Variants in HERPUD2 observed in about 807,000 individuals in gnomAD.
HERPUD2 encodes the protein HERPUD family member 2, also known as homocysteine-responsive endoplasmic reticulum-resident ubiquitin-like domain member 2 protein.
A neutral mutation model predicts 49.9 loss-of-function variants in HERPUD2; 13 were observed. The observed-to-expected ratio is 0.26, with a 90% CI of 0.17 to 0.41. The LOEUF is 0.41. HERPUD2 is among the 10% of genes least tolerant of loss of function. HERPUD2 has a pLI of 1.00. For missense variants in HERPUD2, 449 were observed against 492.2 expected, an observed-to-expected ratio of 0.91 and a Z score of 0.83; for synonymous variants, 172 against 171.4, an observed-to-expected ratio of 1.00 and a Z score of -0.03.
intron 5 of HERPUD2, among the ~76,000 whole-genome samples, chr7:35,640,993 G>T (rs941912881): frequency 4.6e-5 from 7 of 151,890 alleles, no homozygotes; most frequent in Non-Finnish European, 8.8e-5. Context: ...TTGGAGGAAG[G>T]ACTTTCCTAA....
At chr7:35,667,777 G>T (rs10085409) in intron 4 of HERPUD2, among the ~76,000 whole-genome samples, 189 bp from the exon 5 acceptor site, 126 of 152,060 alleles carry the variant, frequency 8.3e-4, no homozygotes, top group African/African-American at 2.9e-3. Context: ...TATCAAAACT[G>T]CTTAATTAAA....
chr7:35,672,055 G>A (rs1390191041), intron 3 of HERPUD2, among the ~76,000 whole-genome samples: 2 of 151,946 alleles, frequency 1.3e-5, no homozygotes, highest in African/African-American at 2.4e-5. Flanking sequence ...CATAGAAAGT[G>A]CAACACCAAG....
intron 5 of HERPUD2, among the ~76,000 whole-genome samples, chr7:35,661,755 C>A (rs1785427208): frequency 6.6e-6 from 1 of 152,208 alleles, no homozygotes; most frequent in Non-Finnish European, 1.5e-5. Flanking sequence ...AGTTGCTTAT[C>A]AGCTTAAGGA....
Position 35,648,095 on chromosome 7 carries a change from G to A in HERPUD2, c.495-9623C>T, listed in dbSNP as rs144000494. Among the ~76,000 whole-genome samples the A allele has an allele frequency of 2.6e-5, 4 of 152,078 alleles. No homozygotes were observed. The East Asian group carries it at 7.7e-4, about 29-fold the overall frequency. On this transcript the variant is annotated intron_variant, in intron 5 of 8. Transcript: ENST00000311350. Reference sequence around the variant, plus strand: ...ATATCTGTACAAGTAAAGAGACTCAGGATCTTCAACATTACCGAGAAAGTA... The same window carrying A: ...ATATCTGTACAAGTAAAGAGACTCAAGATCTTCAACATTACCGAGAAAGTA...
At chr7:35,679,336 T>C (rs552158039) in intron 2 of HERPUD2, among the ~76,000 whole-genome samples, 22 of 152,328 alleles carry the variant, frequency 1.4e-4, no homozygotes, top group Admixed American at 5.2e-4. Context: ...CTAACTGAAG[T>C]AGTATGACTA....
intron 6 of HERPUD2, among the ~76,000 whole-genome samples, chr7:35,637,807 G>A (rs113155795): frequency 2.9e-4 from 44 of 152,114 alleles, no homozygotes; most frequent in Non-Finnish European, 6.0e-4. Flanking sequence ...AAAAAGGTAC[G>A]GAAGACAAAA....
intron 2 of HERPUD2, among the ~76,000 whole-genome samples, chr7:35,682,347 GTGTGTGTGTGTA>G (rs1785925422): frequency 6.5e-4 from 19 of 29,126 alleles, no homozygotes; most frequent in Non-Finnish European, 8.8e-4. Flanking sequence ...GTGTGTGTGT[GTGTGTGTGTGTA>G]TATATATATA....
chr7:35,634,213 A>G, intron 8 of HERPUD2, 99 bp downstream of exon 8: 4 of 767,686 alleles, frequency 5.2e-6, no homozygotes, highest in South Asian at 1.8e-5. Flanking sequence ...CCATTTCACA[A>G]ATACTTATGG....
chr7:35,664,086 C>G (rs1785487933), intron 5 of HERPUD2, among the ~76,000 whole-genome samples: 1 of 152,086 alleles, frequency 6.6e-6, no homozygotes, highest in Non-Finnish European at 1.5e-5. Context: ...TAAGGCAGGC[C>G]TGGTTGTGAC....
At chr7:35,637,138 A>AAAAAAAAG (rs761260596) in intron 6 of HERPUD2, among the ~76,000 whole-genome samples, 2 of 135,694 alleles carry the variant, frequency 1.5e-5, no homozygotes, top group Non-Finnish European at 3.2e-5. Context: ...GTCTCAAAAA[A>AAAAAAAAG]AAAGAAAGAA....
chr7:35,667,508 T>C lies in HERPUD2; in HGVS notation c.420A>G (p.Gly140=), dbSNP rs1785562018. 2.5e-6 allele frequency: 4 copies of C among 1,613,928 alleles called. No homozygotes were observed. The highest frequency in any genetic ancestry group is 3.4e-6 in the Non-Finnish European group (4 of 1,179,830). ...LSLAVGSSSE[G]LRQRTLPQAQ... ...CTTGTGGAAGGGTACGCTGCCTCAA[T>C]CCTTCTGAGGAAGAACCCACAGCTA... is the stretch of plus-strand genomic sequence containing the variant. Residue 140 remains glycine, a synonymous_variant, in exon 5 of 9, where the codon GGA becomes GGG. Coordinates refer to ENST00000311350, the MANE Select transcript of HERPUD2 (RefSeq NM_022373.5).
intron 2 of HERPUD2, among the ~76,000 whole-genome samples, chr7:35,681,092 A>C (rs1785879848): frequency 6.6e-6 from 1 of 152,244 alleles, no homozygotes; most frequent in Non-Finnish European, 1.5e-5. Flanking sequence ...TGCTGGTGCT[A>C]AATTTATCTG....
At chr7:35,684,743 G>A (rs561609408) in intron 2 of HERPUD2, among the ~76,000 whole-genome samples, 189 of 152,224 alleles carry the variant, frequency 1.2e-3, no homozygotes, top group Non-Finnish European at 2.1e-3. Flanking sequence ...GGGACTCAGC[G>A]GGAAAGGGTG....
At position 35,633,464 on chromosome 7, in the gene HERPUD2, T is replaced by G; in HGVS notation, c.*226A>C. On this transcript the variant is annotated 3_prime_UTR_variant, in exon 9 of 9. Coordinates refer to ENST00000311350, the MANE Select transcript of HERPUD2 (RefSeq NM_022373.5). Reference sequence around the variant, plus strand: ...TGAGTAACACCTGGAAGACCAATATTGTTACGCTATGTTCTGTTAGGATCT... The same window carrying G: ...TGAGTAACACCTGGAAGACCAATATGGTTACGCTATGTTCTGTTAGGATCT... The G allele has an allele frequency of 3.0e-6, 1 of 334,546 alleles. No individual in the cohort carries two copies. Among genetic ancestry groups the G allele is most frequent in the Non-Finnish European group, 5.4e-6 (1 of 184,566 alleles). The allele number at this position is 334,546 out of a possible 1,614,324, so 20.7% of individuals were successfully genotyped here. A position where few individuals can be genotyped will look rare whatever the true frequency, so the allele number is the denominator to read the frequency against.
intron 2 of HERPUD2, 138 bp from the exon 3 acceptor site, chr7:35,673,416 T>C: frequency 1.6e-6 from 1 of 633,612 alleles, no homozygotes; most frequent in South Asian, 2.2e-5. Flanking sequence ...ATTTAAGAAT[T>C]TTTGTTTTTC....
chr7:35,665,677 G>C (rs1352805591), intron 5 of HERPUD2, among the ~76,000 whole-genome samples: 1 of 152,184 alleles, frequency 6.6e-6, no homozygotes, highest in Non-Finnish European at 1.5e-5. Context: ...CCCATCTTCT[G>C]CATCGTTCAT....
intron 2 of HERPUD2, among the ~76,000 whole-genome samples, chr7:35,691,425 T>G (rs1786184832): frequency 6.6e-6 from 1 of 152,180 alleles, no homozygotes; most frequent in Non-Finnish European, 1.5e-5. Flanking sequence ...GCAGCACCAA[T>G]TTATTTTCCT....
At chr7:35,678,200 G>C (rs1351640875) in intron 2 of HERPUD2, among the ~76,000 whole-genome samples, 1 of 151,584 alleles carries the variant, frequency 6.6e-6, no homozygotes, top group Non-Finnish European at 1.5e-5. Context: ...TGCTAAAACA[G>C]GTTGGGTTAA....
chr7:35,638,303 C>A, intron 6 of HERPUD2, 47 bp downstream of exon 6: 2 of 1,502,474 alleles, frequency 1.3e-6, no homozygotes, highest in Non-Finnish European at 1.8e-6. Flanking sequence ...GAAAATAAAG[C>A]AAATAACACA....
Sources: allele counts gnomAD v4.1 joint callset (sites outside exome capture counted in the v4.1 genomes callset), GRCh38; gene constraint gnomAD v4.1.1; transcripts MANE v1.5; gene names NCBI Gene and HGNC (gene_info 2026-07-23, HGNC 2026-07-21).